The following HS3ST3A1 variants were observed in gnomAD, a reference collection of about 807,000 sequenced individuals.
HS3ST3A1 encodes the protein heparan sulfate-glucosamine 3-sulfotransferase 3A1.
In HS3ST3A1, 19 loss-of-function variants were observed where a neutral mutation model predicts 25.7. The ratio of observed to expected loss-of-function variants is 0.74; its 90% CI spans 0.52 to 1.08. The LOEUF (loss-of-function observed/expected upper bound fraction) is 1.08, where lower values mean the gene tolerates loss of function less well. HS3ST3A1 is among the 50% of genes least tolerant of loss of function. HS3ST3A1 has a pLI of 0.00. For synonymous variants in HS3ST3A1, 226 were observed against 278.6 expected, an observed-to-expected ratio of 0.81 and a Z score of 1.88; for missense variants, 459 against 594.3, an observed-to-expected ratio of 0.77 and a Z score of 2.37.
At chr17:13,510,533 C>A (rs1200620748) in intron 1 of HS3ST3A1, among the ~76,000 whole-genome samples, 1 of 152,078 alleles carries the variant, frequency 6.6e-6, no homozygotes, top group African/African-American at 2.4e-5. Flanking sequence ...TTATTTTATT[C>A]TACTAGTTAG....
intron 1 of HS3ST3A1, among the ~76,000 whole-genome samples, chr17:13,536,642 T>C (rs576504130): frequency 1.4e-4 from 21 of 152,328 alleles, no homozygotes; most frequent in Non-Finnish European, 1.9e-4. Flanking sequence ...TGCTGATCAC[T>C]TCCAGTTGGC....
chr17:13,584,885 C>A (rs1260759167), intron 1 of HS3ST3A1, among the ~76,000 whole-genome samples: 1 of 152,186 alleles, frequency 6.6e-6, no homozygotes, highest in Non-Finnish European at 1.5e-5. Flanking sequence ...AAGTTCATTA[C>A]ATTCCTGTGT....
intron 1 of HS3ST3A1, among the ~76,000 whole-genome samples, chr17:13,512,560 T>C (rs1905909448): frequency 6.6e-6 from 1 of 152,130 alleles, no homozygotes; most frequent in African/African-American, 2.4e-5. Context: ...TGCAAATGTA[T>C]CCTCTCGGCA....
intron 1 of HS3ST3A1, among the ~76,000 whole-genome samples, chr17:13,526,472 TTTTATATATATATATA>T (rs1178361455): frequency 0.028 from 1,633 of 58,356 alleles, 82 homozygotes; most frequent in African/African-American, 0.095. Context: ...CAACTTTAAT[TTTTATATATATATATA>T]TATATATATA....
At chr17:13,570,620 G>A (rs890708402) in intron 1 of HS3ST3A1, among the ~76,000 whole-genome samples, 1 of 152,092 alleles carries the variant, frequency 6.6e-6, no homozygotes, top group African/African-American at 2.4e-5. Context: ...TGGGATACAG[G>A]TGCATGCACC....
At chr17:13,545,743 G>A (rs1267201903) in intron 1 of HS3ST3A1, among the ~76,000 whole-genome samples, 1 of 152,270 alleles carries the variant, frequency 6.6e-6, no homozygotes, top group Admixed American at 6.5e-5. Context: ...TTCGGGGGCC[G>A]AGGCGCATGG....
intron 1 of HS3ST3A1, among the ~76,000 whole-genome samples, chr17:13,534,476 G>C (rs1044906613): frequency 9.5e-5 from 14 of 147,822 alleles, no homozygotes; most frequent in African/African-American, 3.3e-4. Context: ...GGTGGAGGGA[G>C]GTGGATTGCT....
chr17:13,534,960 A>T (rs992364151), intron 1 of HS3ST3A1, among the ~76,000 whole-genome samples: 1 of 152,338 alleles, frequency 6.6e-6, no homozygotes, highest in African/African-American at 2.4e-5. Context: ...TGGGAGGCAG[A>T]GGTTGTGGTG....
At chr17:13,582,997 G>A (rs923544598) in intron 1 of HS3ST3A1, among the ~76,000 whole-genome samples, 1 of 152,156 alleles carries the variant, frequency 6.6e-6, no homozygotes, top group Non-Finnish European at 1.5e-5. Context: ...AGAGAAAAAT[G>A]CAACTTTGTG....
intron 1 of HS3ST3A1, among the ~76,000 whole-genome samples, chr17:13,580,983 C>G (rs1908097883): frequency 6.6e-6 from 1 of 152,182 alleles, no homozygotes; most frequent in Non-Finnish European, 1.5e-5. Flanking sequence ...TTGTGTATTC[C>G]TGTGAGGCTG....
At chr17:13,509,700 C>T (rs569330617) in intron 1 of HS3ST3A1, among the ~76,000 whole-genome samples, 1 of 152,298 alleles carries the variant, frequency 6.6e-6, no homozygotes, top group African/African-American at 2.4e-5. Flanking sequence ...AGTGCAAGGA[C>T]TGTATTCTTC....
chr17:13,553,629 A>C (rs1441678730), intron 1 of HS3ST3A1, among the ~76,000 whole-genome samples: 3 of 152,140 alleles, frequency 2.0e-5, no homozygotes, highest in African/African-American at 7.2e-5. Flanking sequence ...ATTCCTTACC[A>C]ATCAAACACC....
At chr17:13,574,599 T>G (rs1399707639) in intron 1 of HS3ST3A1, among the ~76,000 whole-genome samples, 2 of 151,662 alleles carry the variant, frequency 1.3e-5, no homozygotes, top group Non-Finnish European at 2.9e-5. Context: ...GCGCCTGTAG[T>G]CCCAGCTACT....
chr17:13,579,199 ACAAC>A (rs1379583144), intron 1 of HS3ST3A1, among the ~76,000 whole-genome samples: 2 of 152,196 alleles, frequency 1.3e-5, no homozygotes, highest in African/African-American at 4.8e-5. Context: ...GTAAAATCAT[ACAAC>A]CATTTTGGAC....
rs77230533 is a variant in HS3ST3A1, at chr17:13,494,432, G to A, written c.*1765C>T. ...TTCCTTCATTTTAATCCTGTGTTAAGCTTCTCAAGAAATATTTACATCACC... is the reference window on the plus strand; with the variant it reads ...TTCCTTCATTTTAATCCTGTGTTAAACTTCTCAAGAAATATTTACATCACC... On this transcript the variant is annotated 3_prime_UTR_variant, in exon 2 of 2. Coordinates refer to ENST00000284110, the MANE Select transcript of HS3ST3A1 (RefSeq NM_006042.3). 0.029 allele frequency among the ~76,000 whole-genome samples: 4,422 copies of A among 152,282 alleles called. 98 individuals are homozygous for A. Among genetic ancestry groups the A allele is most frequent in the Non-Finnish European group, 0.044 (3,006 of 68,020 alleles).
intron 1 of HS3ST3A1, among the ~76,000 whole-genome samples, chr17:13,522,478 T>C (rs1317252152): frequency 2.6e-5 from 4 of 152,200 alleles, no homozygotes. Context: ...CCTTAGATAA[T>C]ATAAAAGTAT....
intron 1 of HS3ST3A1, among the ~76,000 whole-genome samples, chr17:13,522,859 C>G (rs750802187): frequency 0.02 from 3,000 of 150,928 alleles, 37 homozygotes; most frequent in Non-Finnish European, 0.024. Flanking sequence ...GAGAGACACA[C>G]ACACACACAC....
chr17:13,591,897 T>A (rs1358604305), intron 1 of HS3ST3A1, among the ~76,000 whole-genome samples: 1 of 152,140 alleles, frequency 6.6e-6, no homozygotes, highest in Non-Finnish European at 1.5e-5. Context: ...TGCCCTCAAG[T>A]GATCTGCCTG....
At position 13,544,656 on chromosome 17, in the gene HS3ST3A1, A is replaced by G. The variant is rs1907033221; in HGVS notation, c.600-47838T>C. 2.6e-5 allele frequency among the ~76,000 whole-genome samples: 4 copies of G among 152,138 alleles called. No homozygotes were observed. The South Asian group carries it at 8.3e-4, about 31-fold the overall frequency. Reference sequence around the variant, plus strand: ...GAGCAGATGGCGCCTCCACAAACCCAGAGCCTCTCCCCGCACCCTGCTCCT... The same window carrying G: ...GAGCAGATGGCGCCTCCACAAACCCGGAGCCTCTCCCCGCACCCTGCTCCT... On this transcript the variant is annotated intron_variant, in intron 1 of 1. Transcript: ENST00000284110.
Sources: gnomAD v4.1 joint callset for allele counts (sites outside exome capture counted in the v4.1 genomes callset) on GRCh38, gnomAD v4.1.1 for gene constraint, MANE v1.5 for transcripts, NCBI Gene and HGNC (gene_info 2026-07-23, HGNC 2026-07-21) for gene names.